Variants in MAP7D2 observed in about 807,000 individuals in gnomAD.
MAP7D2 encodes MAP7 domain-containing protein 2.
MAP7D2 carries 33 observed loss-of-function variants against 63.5 expected under a neutral mutation model. The observed-to-expected ratio is 0.52, with a 90% CI of 0.39 to 0.70. The LOEUF (loss-of-function observed/expected upper bound fraction) is 0.70, where lower values mean the gene tolerates loss of function less well. Among genes scored for constraint, MAP7D2 ranks in the 30% least tolerant of loss-of-function variants. The pLI is 0.00. For synonymous variants in MAP7D2, 224 were observed against 223.7 expected (o/e 1.00, Z -0.01); for missense variants, 626 against 604.0 (o/e 1.04, Z -0.38).
chrX:20,027,616 T>C (rs1489363221), intron 8 of MAP7D2, among the ~76,000 whole-genome samples: 1 of 109,327 alleles, frequency 9.1e-6, no homozygotes, highest in African/African-American at 3.3e-5. Context: ...CAGACATTGC[T>C]AAACGTCCCC....
intron 8 of MAP7D2, among the ~76,000 whole-genome samples, chrX:20,033,424 T>A (rs751258170): frequency 8.9e-6 from 1 of 112,359 alleles, no homozygotes; most frequent in East Asian, 2.8e-4. Flanking sequence ...TTGGCCACAC[T>A]GGATTTCTTT....
chrX:20,048,734 C>T (rs1212130463), intron 6 of MAP7D2, among the ~76,000 whole-genome samples: 1 of 109,119 alleles, frequency 9.2e-6, no homozygotes, highest in Non-Finnish European at 1.9e-5. Flanking sequence ...TTGAGACCAG[C>T]CTGAGCAACA....
intron 8 of MAP7D2, among the ~76,000 whole-genome samples, chrX:20,040,958 C>A (rs959043507): frequency 1.2e-4 from 13 of 111,402 alleles, no homozygotes; most frequent in South Asian, 7.6e-4. Context: ...ACAAAAAAAA[C>A]CAGTATTTGC....
At chrX:20,056,117 AAAG>A (rs1192021408) in intron 4 of MAP7D2, among the ~76,000 whole-genome samples, 2 of 111,984 alleles carry the variant, frequency 1.8e-5, no homozygotes, top group Non-Finnish European at 3.8e-5. Flanking sequence ...GAGACACTGA[AAAG>A]AAGGAAAAGC....
At chrX:20,053,775 C>T (rs2065006582) in intron 4 of MAP7D2, among the ~76,000 whole-genome samples, 1 of 111,996 alleles carries the variant, frequency 8.9e-6, no homozygotes, top group Non-Finnish European at 1.9e-5. Context: ...CTCTGCTCAT[C>T]GTGTTTTCCC....
In MAP7D2 at chrX:20,050,746, A is replaced by G. The variant is rs1476841338; in HGVS notation, c.718+78T>C. On this transcript the variant is annotated intron_variant, in intron 6 of 16. Coordinates refer to ENST00000379643, the MANE Select transcript of MAP7D2 (RefSeq NM_001168465.2). ...CCAGCAAATAGGAAGCAAAATCCAA[A>G]AATTCAGGAGTAAATCCTAGGCTGA... 2.8e-6 allele frequency: 3 copies of G among 1,056,034 alleles called. No individual in the cohort carries two copies. The African/African-American group carries it at 5.7e-5, about 20-fold the overall frequency. 87.0% of individuals were successfully genotyped at this position (1,056,034 alleles called of 1,213,427 possible). A position where few individuals can be genotyped will look rare whatever the true frequency, so the allele number is the denominator to read the frequency against.
At chrX:20,073,974 A>T in intron 1 of MAP7D2, among the ~76,000 whole-genome samples, 1 of 107,397 alleles carries the variant, frequency 9.3e-6, no homozygotes, top group Non-Finnish European at 1.9e-5. Context: ...CCATCTACTA[A>T]AAATAGAAAA....
chrX:20,087,553 C>T (rs1183195361), intron 1 of MAP7D2, among the ~76,000 whole-genome samples: 2 of 111,830 alleles, frequency 1.8e-5, no homozygotes, highest in Admixed American at 1.9e-4. Flanking sequence ...TACCCAGCCT[C>T]GGGCATTATT....
intron 8 of MAP7D2, among the ~76,000 whole-genome samples, chrX:20,032,670 G>GT (rs775549557): frequency 1.2e-3 from 136 of 112,364 alleles, no homozygotes; most frequent in Non-Finnish European, 2.1e-3. Context: ...ACCTCTGGAA[G>GT]TGATTATCTT....
chrX:20,054,895 C>T (rs1293282936), intron 4 of MAP7D2, among the ~76,000 whole-genome samples: 4 of 112,227 alleles, frequency 3.6e-5, no homozygotes, highest in Non-Finnish European at 7.5e-5. Context: ...CTGCACCTTT[C>T]TTAGGGGGAA....
chrX:20,047,940 A>G (rs1168723615), intron 6 of MAP7D2, among the ~76,000 whole-genome samples: 2 of 111,806 alleles, frequency 1.8e-5, no homozygotes, highest in East Asian at 5.6e-4. Context: ...GAACCCCTAA[A>G]GGACATAACT....
At chrX:20,065,451 G>T (rs143587452) in intron 1 of MAP7D2, among the ~76,000 whole-genome samples, 1,890 of 109,426 alleles carry the variant, frequency 0.017, 48 homozygotes, top group African/African-American at 0.06. Flanking sequence ...ATTTTTAGTA[G>T]AGATGGGGTT....
intron 8 of MAP7D2, among the ~76,000 whole-genome samples, chrX:20,031,431 C>A (rs1291542029): frequency 9.1e-6 from 1 of 110,241 alleles, no homozygotes; most frequent in African/African-American, 3.3e-5. Flanking sequence ...AATGTGGGAC[C>A]CTGGGTTGGA....
In MAP7D2 at chrX:20,056,778, G is replaced by A. The variant is rs1170648247; in HGVS notation, c.386C>T (p.Ala129Val). 19 of 1,208,712 alleles carry A rather than the reference G, an allele frequency of 1.6e-5. No individual in the cohort carries two copies. The highest frequency in any genetic ancestry group is 8.8e-5 in the South Asian group (5 of 56,767). ...GCGCTCCAGGGACCGGCGCATCATC[G>A]CCTCCAGCCGTTCCTACACAGTTCG... ...KLREEEERLEAMMRRSLERTQ... is the reference protein window; with the variant it reads ...KLREEEERLEVMMRRSLERTQ... The change falls in exon 4 of 17, where the codon GCG becomes GTG. Residue 129 changes from alanine (A) to valine (V), a missense_variant. Physicochemically the swap from Ala to Val is moderately conservative, Grantham distance 64. Transcript: ENST00000379643.
At chrX:20,020,086 G>C (rs1403519648) in intron 10 of MAP7D2, among the ~76,000 whole-genome samples, 1 of 111,861 alleles carries the variant, frequency 8.9e-6, no homozygotes, top group Admixed American at 9.5e-5. Flanking sequence ...CTGCTATACA[G>C]AGAAGACTGA....
At chrX:20,072,266 G>C (rs923722846) in intron 1 of MAP7D2, among the ~76,000 whole-genome samples, 3 of 111,445 alleles carry the variant, frequency 2.7e-5, no homozygotes, top group African/African-American at 9.8e-5. Context: ...CACACACACA[G>C]ATTAATCTTT....
chrX:20,105,385 C>G (rs2066540545), intron 1 of MAP7D2, among the ~76,000 whole-genome samples: 1 of 111,269 alleles, frequency 9.0e-6, no homozygotes, highest in Admixed American at 9.6e-5. Flanking sequence ...AGACCAACTG[C>G]TCAGGAAGGA....
intron 1 of MAP7D2, among the ~76,000 whole-genome samples, chrX:20,072,085 G>C (rs1168728590): frequency 9.0e-6 from 1 of 111,690 alleles, no homozygotes; most frequent in Non-Finnish European, 1.9e-5. Flanking sequence ...TCCCATTGAT[G>C]GAAACCTCCC....
intron 8 of MAP7D2, among the ~76,000 whole-genome samples, chrX:20,034,689 G>A (rs1569517708): frequency 9.0e-6 from 1 of 111,015 alleles, no homozygotes; most frequent in Non-Finnish European, 1.9e-5. Context: ...CAAGAAATGG[G>A]CCCTCAATTG....
Sources: allele counts gnomAD v4.1 joint callset (sites outside exome capture counted in the v4.1 genomes callset), GRCh38; gene constraint gnomAD v4.1.1; transcripts MANE v1.5; gene names NCBI Gene and HGNC (gene_info 2026-07-23, HGNC 2026-07-21).